Variants in REPS2 observed in about 807,000 individuals in gnomAD.
REPS2 encodes the protein RALBP1 associated Eps domain containing 2, also known as ralBP1-associated Eps domain-containing protein 2.
A neutral mutation model predicts 53.6 loss-of-function variants in REPS2; 23 were observed. The observed-to-expected ratio is 0.43, with a 90% CI of 0.31 to 0.61. The LOEUF is 0.61. Ranked by LOEUF, REPS2 falls within the 20% of genes least tolerant of loss-of-function variation. The probability of loss-of-function intolerance (pLI) is 0.11; values close to 1 mark genes in which losing one functional copy is unlikely to be tolerated. For missense variants in REPS2, 446 were observed against 534.9 expected, an observed-to-expected ratio of 0.83 and a Z score of 1.64; for synonymous variants, 238 against 218.6, an observed-to-expected ratio of 1.09 and a Z score of -0.78.
intron 1 of REPS2, among the ~76,000 whole-genome samples, chrX:16,967,536 C>T (rs185982764): frequency 1.3e-4 from 14 of 110,333 alleles, no homozygotes; most frequent in East Asian, 5.7e-4. Context: ...TCATGGTGCA[C>T]GCTGGTGGTC....
At chrX:17,082,388 C>T (rs767314036) in intron 13 of REPS2, among the ~76,000 whole-genome samples, 1 of 112,414 alleles carries the variant, frequency 8.9e-6, no homozygotes, top group African/African-American at 3.2e-5. Flanking sequence ...CCCAGAAATA[C>T]GTTTCTTACT....
the REPS2 span, among the ~76,000 whole-genome samples, chrX:17,187,858 G>T: frequency 8.9e-6 from 1 of 112,373 alleles, no homozygotes; most frequent in Non-Finnish European, 1.9e-5. Flanking sequence ...GTTTTAAATA[G>T]AAATTATTGA....
intron 17 of REPS2, among the ~76,000 whole-genome samples, chrX:17,144,400 A>G (rs925940131): frequency 2.7e-5 from 3 of 112,700 alleles, no homozygotes. Flanking sequence ...GCCAACTCCC[A>G]TCTCCCCTTA....
chrX:17,196,566 T>A, the REPS2 span, among the ~76,000 whole-genome samples: 6 of 111,951 alleles, frequency 5.4e-5, no homozygotes, highest in African/African-American at 1.9e-4. Context: ...AAGTGGACCC[T>A]CATAAGACAC....
intron 1 of REPS2, 71 bp from the exon 2 acceptor site, chrX:17,006,150 A>G: frequency 8.7e-7 from 1 of 1,148,390 alleles, no homozygotes; most frequent in Non-Finnish European, 1.2e-6. Context: ...TTGATATTTC[A>G]TCATGTACCT....
At position 17,107,602 on chromosome X, in the gene REPS2, G is replaced by A. The variant is rs1237612669; in HGVS notation, c.1578+3823G>A. On this transcript the variant is annotated intron_variant, in intron 14 of 17. Coordinates refer to ENST00000357277, the MANE Select transcript of REPS2 (RefSeq NM_004726.3). ...GTTTAGCTGGCTCATACTTATTCAA[G>A]CACCACTGTGATATGAACATCTGGA... Among the ~76,000 whole-genome samples, 4 of 112,334 alleles carry A rather than the reference G, an allele frequency of 3.6e-5. No homozygotes were observed. The Middle Eastern group carries it at 0.014, about 390-fold the overall frequency.
chrX:17,060,751 G>C (rs1316811701), intron 8 of REPS2, among the ~76,000 whole-genome samples: 1 of 111,237 alleles, frequency 9.0e-6, no homozygotes, highest in African/African-American at 3.3e-5. Flanking sequence ...AACCGGGGTA[G>C]AGAGGCTGGG....
At chrX:17,143,455 T>TTTAA (rs113800380) in intron 17 of REPS2, among the ~76,000 whole-genome samples, 4 of 108,378 alleles carry the variant, frequency 3.7e-5, no homozygotes, top group Admixed American at 9.9e-5. Context: ...TGGTGGGCCC[T>TTTAA]TTTGGAAACT....
chrX:16,963,370 G>C (rs774316616), intron 1 of REPS2, among the ~76,000 whole-genome samples: 48 of 112,200 alleles, frequency 4.3e-4, no homozygotes, highest in South Asian at 2.9e-3. Flanking sequence ...TGGAAAACTT[G>C]TTGCTATGGC....
chrX:17,054,618 C>G (rs1335327256), intron 7 of REPS2, among the ~76,000 whole-genome samples, 190 bp from the exon 8 acceptor site: 1 of 112,054 alleles, frequency 8.9e-6, no homozygotes, highest in Non-Finnish European at 1.9e-5. Flanking sequence ...GCTACTGATG[C>G]TGATCCCATC....
In REPS2 at chrX:17,148,921, C is replaced by T. The variant is rs1363156066; in HGVS notation, c.*1440C>T. The T allele has an allele frequency of 5.3e-6, 2 of 374,479 alleles. No homozygotes were observed. Among genetic ancestry groups the T allele is most frequent in the South Asian group, 4.7e-5 (2 of 42,670 alleles). 30.9% of individuals were successfully genotyped at this position (374,479 alleles called of 1,213,427 possible). ...TAGGTTTGCAATATGTGGGATTCAG[C>T]CTTTGATTTCAATAGAGCTGAGAGC... is the stretch of plus-strand genomic sequence containing the variant. On this transcript the variant is annotated 3_prime_UTR_variant, in exon 18 of 18. Transcript: ENST00000357277.
the REPS2 span, among the ~76,000 whole-genome samples, chrX:17,189,297 T>G: frequency 0.025 from 2,706 of 108,588 alleles, 90 homozygotes; most frequent in African/African-American, 0.086. Flanking sequence ...TTTCTTTTTT[T>G]TTTTTTTAGA....
intron 14 of REPS2, among the ~76,000 whole-genome samples, chrX:17,119,851 C>T (rs2063115949): frequency 9.6e-6 from 1 of 104,274 alleles, no homozygotes; most frequent in Admixed American, 1.0e-4. Context: ...TCTCTGCTGT[C>T]CCCTATCGCA....
chrX:17,173,216 C>T, the REPS2 span, among the ~76,000 whole-genome samples: 27 of 112,023 alleles, frequency 2.4e-4, no homozygotes, highest in African/African-American at 8.1e-4. Context: ...CAGAGTCTCA[C>T]AAGGTTGCTA....
At chrX:17,125,256 A>G (rs2063194160) in intron 14 of REPS2, among the ~76,000 whole-genome samples, 1 of 111,354 alleles carries the variant, frequency 9.0e-6, no homozygotes, top group Non-Finnish European at 1.9e-5. Context: ...ATATTTATCT[A>G]TAGAACCATG....
the REPS2 span, among the ~76,000 whole-genome samples, chrX:17,182,221 T>C: frequency 1.8e-5 from 2 of 110,508 alleles, no homozygotes; most frequent in Non-Finnish European, 3.8e-5. Context: ...ACAGGCTCCA[T>C]TGGAGTCCTG....
At chrX:17,133,036 A>G (rs923143616) in intron 14 of REPS2, among the ~76,000 whole-genome samples, 1 of 112,592 alleles carries the variant, frequency 8.9e-6, no homozygotes, top group Non-Finnish European at 1.9e-5. Context: ...TTCCCTTGGC[A>G]TCCCCAGCGC....
intron 4 of REPS2, among the ~76,000 whole-genome samples, chrX:17,025,985 G>T (rs2061639547): frequency 1.8e-5 from 2 of 111,798 alleles, no homozygotes; most frequent in Admixed American, 1.9e-4. Flanking sequence ...CCCAGTTTCT[G>T]CAGGTTTTTA....
intron 1 of REPS2, among the ~76,000 whole-genome samples, chrX:16,968,869 G>A (rs2060829516): frequency 1.8e-5 from 2 of 108,305 alleles, no homozygotes; most frequent in Non-Finnish European, 3.9e-5. Context: ...GCTGGGCGGA[G>A]ACGTTCCTCA....
Sources: allele counts gnomAD v4.1 joint callset (sites outside exome capture counted in the v4.1 genomes callset), GRCh38; gene constraint gnomAD v4.1.1; transcripts MANE v1.5; gene names NCBI Gene and HGNC (gene_info 2026-07-23, HGNC 2026-07-21).